Variants in TAF1 observed in about 807,000 individuals in gnomAD.
The protein encoded by TAF1 is TATA-box binding protein associated factor 1.
TAF1 carries 2 observed loss-of-function variants against 138.5 expected under a neutral mutation model. The ratio of observed to expected loss-of-function variants is 0.01; its 90% CI spans 0.01 to 0.05. The LOEUF (loss-of-function observed/expected upper bound fraction) is 0.05. Among genes scored for constraint, TAF1 ranks in the 10% least tolerant of loss-of-function variants. TAF1 has a pLI of 1.00. For missense variants in TAF1, 709 were observed against 1,478.0 expected (o/e 0.48, Z 8.53); for synonymous variants, 437 against 503.2 (o/e 0.87, Z 1.76).
chrX:71,401,407 G>C, intron 24 of TAF1, 121 bp from the exon 25 acceptor site: 1 of 861,744 alleles, frequency 1.2e-6, no homozygotes, highest in South Asian at 2.5e-5. Flanking sequence ...TGGTATACTT[G>C]GGGGTCCTGG....
At chrX:71,367,694 G>A in intron 2 of TAF1, 81 bp downstream of exon 2, 7 of 1,060,329 alleles carry the variant, frequency 6.6e-6, no homozygotes, top group Non-Finnish European at 9.0e-6. Context: ...TGTGTAAGAC[G>A]GAGTTTCGCT....
chrX:71,392,749 A>C, intron 19 of TAF1, 31 bp downstream of exon 19: 1 of 1,189,900 alleles, frequency 8.4e-7, no homozygotes, highest in Non-Finnish European at 1.1e-6. Flanking sequence ...AGAATGAAAA[A>C]GTCAAGGGAG....
chrX:71,436,708 C>G (rs1046014654), intron 32 of TAF1, among the ~76,000 whole-genome samples: 2 of 111,448 alleles, frequency 1.8e-5, no homozygotes, highest in African/African-American at 6.5e-5. Flanking sequence ...TGAGAGCTTT[C>G]TATTCTGCTT....
At chrX:71,440,102 C>T (rs1342675103) in intron 32 of TAF1, among the ~76,000 whole-genome samples, 1 of 111,441 alleles carries the variant, frequency 9.0e-6, no homozygotes, top group Admixed American at 9.7e-5. Context: ...CACACATGCC[C>T]ACCACCACAC....
chrX:71,384,364 A>G (rs2034084823), intron 13 of TAF1, among the ~76,000 whole-genome samples: 1 of 111,155 alleles, frequency 9.0e-6, no homozygotes, highest in South Asian at 3.8e-4. Flanking sequence ...TTTTGTAGTT[A>G]TAACATGTTG....
intron 18 of TAF1, among the ~76,000 whole-genome samples, chrX:71,390,713 C>T (rs995052501): frequency 1.8e-5 from 2 of 111,463 alleles, no homozygotes; most frequent in South Asian, 3.7e-4. Flanking sequence ...AAATGTCTCA[C>T]GGCCGGGCGC....
intron 32 of TAF1, among the ~76,000 whole-genome samples, chrX:71,443,466 T>C (rs1388943434): frequency 9.0e-6 from 1 of 111,586 alleles, no homozygotes; most frequent in Non-Finnish European, 1.9e-5. Context: ...TCTGTTGGTC[T>C]GTTATTGGTG....
At chrX:71,418,148 C>T (rs2036127116) in intron 28 of TAF1, among the ~76,000 whole-genome samples, 1 of 112,276 alleles carries the variant, frequency 8.9e-6, no homozygotes, top group Non-Finnish European at 1.9e-5. Context: ...GGCTGGAGTG[C>T]AGTGGCACAA....
intron 13 of TAF1, among the ~76,000 whole-genome samples, chrX:71,519,598 G>A (rs758841303): frequency 3.2e-5 from 3 of 93,245 alleles, no homozygotes; most frequent in East Asian, 3.6e-4. Context: ...AGCCGAGATC[G>A]CGCCACTGCA....
At chrX:71,387,010 G>A (rs2034272017) in intron 14 of TAF1, 1 of 368,168 alleles carries the variant, frequency 2.7e-6, no homozygotes, top group Non-Finnish European at 4.7e-6. Flanking sequence ...AAATCATAGA[G>A]GTAATGGCAG....
At chrX:71,504,207 C>A (rs1312069558) in intron 13 of TAF1, among the ~76,000 whole-genome samples, 2 of 110,302 alleles carry the variant, frequency 1.8e-5, no homozygotes, top group Non-Finnish European at 3.8e-5. Context: ...GATTTCACCC[C>A]CTACAACGGT....
intron 32 of TAF1, chrX:71,441,681 G>A (rs964574118): frequency 1.0e-5 from 3 of 296,470 alleles, no homozygotes; most frequent in Non-Finnish European, 1.9e-5. Flanking sequence ...CTATAATTTT[G>A]TATCTTTTTT....
At chrX:71,410,677 T>C (rs966260598) in intron 28 of TAF1, among the ~76,000 whole-genome samples, 2 of 110,643 alleles carry the variant, frequency 1.8e-5, no homozygotes, top group South Asian at 7.6e-4. Context: ...CAGGATGGTC[T>C]AGATCTCCTG....
chrX:71,402,210 C>T (rs189324243), intron 25 of TAF1, among the ~76,000 whole-genome samples: 7 of 111,919 alleles, frequency 6.3e-5, no homozygotes, highest in Non-Finnish European at 9.4e-5. Flanking sequence ...TGGGTTCAAG[C>T]GATTCTCACG....
intron 3 of TAF1, among the ~76,000 whole-genome samples, chrX:71,369,750 C>T (rs192292048): frequency 0.018 from 1,950 of 108,095 alleles, 34 homozygotes; most frequent in African/African-American, 0.056. Context: ...GGACTACAGG[C>T]GCCCACCACC....
At chrX:71,410,454 C>CTTTTT (rs57027102) in intron 28 of TAF1, among the ~76,000 whole-genome samples, 6 of 70,640 alleles carry the variant, frequency 8.5e-5, no homozygotes, top group Non-Finnish European at 1.3e-4. Context: ...TTTCTTTTTT[C>CTTTTT]TTTTTTTTTT....
At chrX:71,519,563 A>G (rs956410252) in intron 13 of TAF1, among the ~76,000 whole-genome samples, 2 of 106,931 alleles carry the variant, frequency 1.9e-5, no homozygotes, top group African/African-American at 6.8e-5. Context: ...GAATGGCATG[A>G]ACCCGGGAGG....
rs1380906611 is a variant in TAF1 at position 71,384,092 on chromosome X, T to C, written c.2078T>C (p.Met693Thr). 2 of 1,209,713 alleles carry C rather than the reference T, an allele frequency of 1.7e-6. No individual in the cohort carries two copies. Among genetic ancestry groups the C allele is most frequent in the Non-Finnish European group, 2.2e-6 (2 of 895,286 alleles). Residue 693 changes from methionine (M) to threonine (T), a missense_variant, in exon 13 of 38, where the codon ATG (methionine) becomes ACG (threonine). This residue lies in a region of TAF1 where 201 missense variants were observed against 421.3 expected (regional missense o/e 0.48). Coordinates refer to ENST00000423759, the MANE Select transcript of TAF1 (RefSeq NM_004606.5). ...EYSEENGPLM[M>T]QVGMATKIKN... ...AGTGAGGAAAATGGACCCTTAATGA[T>C]GCAGGTTGGCATGGCAACCAAGATA...
At chrX:71,413,705 A>G (rs1377418499) in intron 28 of TAF1, 2 of 111,298 alleles carry the variant, frequency 1.8e-5, no homozygotes, top group African/African-American at 6.5e-5. Context: ...TCATTGCCCA[A>G]CTGGCAACTT....
Sources: allele counts gnomAD v4.1 joint callset (sites outside exome capture counted in the v4.1 genomes callset), GRCh38; gene constraint gnomAD v4.1.1; regional missense constraint gnomAD v4.1.1; transcripts MANE v1.5; gene names NCBI Gene and HGNC (gene_info 2026-07-23, HGNC 2026-07-21).